Variants in OTUD7A observed in about 807,000 individuals in gnomAD.
OTUD7A encodes the protein OTU domain-containing protein 7A.
Under a neutral mutation model 65.7 loss-of-function variants are expected in OTUD7A, and 12 were observed. The observed-to-expected ratio is 0.18, with a 90% CI of 0.12 to 0.30. OTUD7A has a LOEUF of 0.30. OTUD7A is among the 10% of genes least tolerant of loss of function. The pLI is 1.00. For missense variants in OTUD7A, 1,148 were observed against 1,304.8 expected (o/e 0.88, Z 1.85); for synonymous variants, 641 against 586.3 (o/e 1.09, Z -1.35).
intron 3 of OTUD7A, among the ~76,000 whole-genome samples, chr15:31,592,896 A>AT (rs1889775299): frequency 4.9e-5 from 3 of 60,786 alleles, no homozygotes; most frequent in Non-Finnish European, 5.4e-5. Context: ...AAAAAAAAAA[A>AT]AAAAAAAAAT....
chr15:31,816,009 T>A (rs1438135008), intron 1 of OTUD7A, among the ~76,000 whole-genome samples: 3 of 152,202 alleles, frequency 2.0e-5, no homozygotes, highest in Non-Finnish European at 4.4e-5. Flanking sequence ...AGGAGGCACA[T>A]GCCCCAGTTT....
intron 3 of OTUD7A, among the ~76,000 whole-genome samples, chr15:31,626,358 A>G (rs1890950885): frequency 6.6e-6 from 1 of 152,222 alleles, no homozygotes; most frequent in Non-Finnish European, 1.5e-5. Flanking sequence ...TATATGTGAC[A>G]AAGAAAGTAG....
intron 2 of OTUD7A, among the ~76,000 whole-genome samples, chr15:31,655,818 C>T (rs892475404): frequency 2.0e-5 from 3 of 152,198 alleles, no homozygotes; most frequent in African/African-American, 7.2e-5. Flanking sequence ...ATTTCAAACA[C>T]CTAAGTATAC....
chr15:31,731,525 T>A (rs953138584), intron 1 of OTUD7A, among the ~76,000 whole-genome samples: 18 of 152,152 alleles, frequency 1.2e-4, no homozygotes, highest in Non-Finnish European at 2.5e-4. Flanking sequence ...AGTAAAATGA[T>A]CAGTGGTTAC....
intron 1 of OTUD7A, among the ~76,000 whole-genome samples, chr15:31,854,936 A>T (rs900207975): frequency 6.6e-6 from 1 of 152,244 alleles, no homozygotes; most frequent in African/African-American, 2.4e-5. Flanking sequence ...AAACCATATT[A>T]GATGCAACTA....
At chr15:31,601,114 T>A (rs188661633) in intron 3 of OTUD7A, among the ~76,000 whole-genome samples, 27 of 152,136 alleles carry the variant, frequency 1.8e-4, no homozygotes, top group Non-Finnish European at 2.9e-4. Flanking sequence ...GCAGACCTAA[T>A]AGACACATAC....
intron 4 of OTUD7A, among the ~76,000 whole-genome samples, chr15:31,562,709 T>A (rs1888731903): frequency 6.6e-6 from 1 of 152,190 alleles, no homozygotes; most frequent in Non-Finnish European, 1.5e-5. Context: ...ACAAAACTTT[T>A]CCTAAAGGGT....
intron 1 of OTUD7A, among the ~76,000 whole-genome samples, chr15:31,815,664 A>C (rs150695909): frequency 3.3e-5 from 5 of 152,326 alleles, no homozygotes; most frequent in African/African-American, 1.2e-4. Flanking sequence ...GCGCTAGGCT[A>C]TGAAGTGGTG....
intron 1 of OTUD7A, among the ~76,000 whole-genome samples, chr15:31,670,325 T>A (rs931751713): frequency 2.0e-5 from 3 of 152,210 alleles, no homozygotes; most frequent in African/African-American, 7.2e-5. Flanking sequence ...CAAATGTTAT[T>A]TCTGGTTCTA....
At position 31,521,379 on chromosome 15, in the gene OTUD7A, C is replaced by T. The variant is rs187104517; in HGVS notation, c.893+4970G>A. Among the ~76,000 whole-genome samples, 211 of 152,270 alleles carry T rather than the reference C, an allele frequency of 1.4e-3. 1 individual carries two copies. The highest frequency in any genetic ancestry group is 5.1e-3 in the African/African-American group (211 of 41,548). ...TTGAGAACCATCCCTAGATAGTCAACTTTGGTCTTATTTTCAATTAGAAAT... is the reference window on the plus strand; with the variant it reads ...TTGAGAACCATCCCTAGATAGTCAATTTTGGTCTTATTTTCAATTAGAAAT... On this transcript the variant is annotated intron_variant, in intron 8 of 12. Transcript: ENST00000307050.
chr15:31,595,910 T>C (rs944563035), intron 3 of OTUD7A, among the ~76,000 whole-genome samples: 2 of 151,852 alleles, frequency 1.3e-5, no homozygotes, highest in African/African-American at 4.8e-5. Flanking sequence ...CCTTTCTCCA[T>C]CCCCAAGCCA....
intron 8 of OTUD7A, among the ~76,000 whole-genome samples, chr15:31,518,387 C>T (rs908940715): frequency 6.6e-6 from 1 of 152,008 alleles, no homozygotes. Context: ...GCAGGATCAT[C>T]GCTTGAACCC....
intron 10 of OTUD7A, among the ~76,000 whole-genome samples, chr15:31,494,965 G>A (rs890097463): frequency 6.6e-6 from 1 of 152,226 alleles, no homozygotes; most frequent in South Asian, 2.1e-4. Flanking sequence ...CACAGAGATG[G>A]CTGGGGCCCT....
rs1157678050 is a variant in OTUD7A, at chr15:31,476,262, G to C, written c.*7032C>G. On this transcript the variant is annotated 3_prime_UTR_variant, in exon 13 of 13. Transcript: ENST00000307050. ...GCTTGCCTCTGTGTGTACAGGGGCT[G>C]GAGGCCACAGCTGATCTCCAACACA... 6.6e-6 allele frequency: 1 copy of C among 152,302 alleles called. No individual in the cohort carries two copies. The highest frequency in any genetic ancestry group is 1.9e-4 in the East Asian group (1 of 5,204). The allele number at this position is 152,302 out of a possible 1,614,324, so 9.4% of individuals were successfully genotyped here.
At chr15:31,837,475 G>A (rs1897084022) in intron 1 of OTUD7A, among the ~76,000 whole-genome samples, 1 of 152,020 alleles carries the variant, frequency 6.6e-6, no homozygotes, top group African/African-American at 2.4e-5. Context: ...GAACCCAGGA[G>A]GCAGAGGTTG....
intron 5 of OTUD7A, among the ~76,000 whole-genome samples, chr15:31,541,341 T>C (rs1311501242): frequency 2.0e-5 from 3 of 152,250 alleles, no homozygotes; most frequent in Admixed American, 6.5e-5. Context: ...AGATTTCTTA[T>C]ATCCCTACAA....
At chr15:31,509,772 A>G (rs2041650580) in intron 8 of OTUD7A, among the ~76,000 whole-genome samples, 1 of 131,352 alleles carries the variant, frequency 7.6e-6, no homozygotes, top group Admixed American at 8.0e-5. Context: ...TTTTTTGCAT[A>G]AATTTTTTTT....
At chr15:31,802,354 T>C (rs1174097320) in intron 1 of OTUD7A, among the ~76,000 whole-genome samples, 1 of 152,108 alleles carries the variant, frequency 6.6e-6, no homozygotes, top group African/African-American at 2.4e-5. Flanking sequence ...TTTTCACGTT[T>C]TTCTGCCTGC....
At chr15:31,559,798 T>C (rs1466897231) in intron 4 of OTUD7A, among the ~76,000 whole-genome samples, 5 of 152,150 alleles carry the variant, frequency 3.3e-5, no homozygotes, top group African/African-American at 1.2e-4. Flanking sequence ...TGTACATACA[T>C]GCACAGACTA....
Sources: gnomAD v4.1 joint callset for allele counts (sites outside exome capture counted in the v4.1 genomes callset) on GRCh38, gnomAD v4.1.1 for gene constraint, MANE v1.5 for transcripts, NCBI Gene and HGNC (gene_info 2026-07-23, HGNC 2026-07-21) for gene names.